The following EFCAB11 variants were observed in gnomAD, a reference collection of about 807,000 sequenced individuals.
EFCAB11 encodes EF-hand calcium binding domain 11.
EFCAB11 carries 14 observed loss-of-function variants against 23.0 expected under a neutral mutation model. The ratio of observed to expected loss-of-function variants is 0.61; its 90% CI spans 0.40 to 0.95. The LOEUF is 0.95. Ranked by LOEUF, EFCAB11 falls within the 40% of genes least tolerant of loss-of-function variation. The pLI, the probability that EFCAB11 is intolerant of heterozygous loss-of-function variation, is 0.00. For synonymous variants in EFCAB11, 65 were observed against 66.6 expected (o/e 0.98, Z 0.11); for missense variants, 198 against 195.8 (o/e 1.01, Z -0.07).
chr14:89,941,416 C>T (rs1890786875), intron 3 of EFCAB11, among the ~76,000 whole-genome samples: 1 of 151,986 alleles, frequency 6.6e-6, no homozygotes, highest in African/African-American at 2.4e-5. Context: ...TGACCCATGG[C>T]ACTATTAAAA....
In EFCAB11 at chr14:89,853,317, T is replaced by C. The variant is rs375506795; in HGVS notation, c.411-55993A>G. On this transcript the variant is annotated intron_variant, in intron 5 of 5. Transcript: ENST00000316738. ...CGGCAAAGGGTCTGGAAGCTTCCTT[T>C]AATCTGATGAATTGGTTAAGAAAGC... 3.9e-4 allele frequency among the ~76,000 whole-genome samples: 60 copies of C among 152,332 alleles called. No individual in the cohort carries two copies. In the South Asian group the frequency reaches 0.012, roughly 29 times the overall value.
Position 89,846,754 on chromosome 14 carries a change from C to T in EFCAB11, c.411-49430G>A, listed in dbSNP as rs560481071. 2.2e-4 allele frequency among the ~76,000 whole-genome samples: 34 copies of T among 152,328 alleles called. No homozygotes were observed. The South Asian group carries it at 5.0e-3, about 22-fold the overall frequency. On this transcript the variant is annotated intron_variant, in intron 5 of 5. Coordinates refer to ENST00000316738, the MANE Select transcript of EFCAB11 (RefSeq NM_145231.4). ...ATGGCCTCCTGATCTTACTTATTCTCTTCCTAGTCTGCAGCCTACGATGCC... is the reference window on the plus strand; with the variant it reads ...ATGGCCTCCTGATCTTACTTATTCTTTTCCTAGTCTGCAGCCTACGATGCC...
At chr14:89,944,982 C>A in intron 3 of EFCAB11, among the ~76,000 whole-genome samples, 7 of 95,422 alleles carry the variant, frequency 7.3e-5, no homozygotes, top group African/African-American at 1.7e-4. Context: ...AATAATAAAT[C>A]TAATAAAATA....
Position 89,919,988 on chromosome 14 carries a change from A to C in EFCAB11, c.410+11553T>G, listed in dbSNP as rs146120137. Among the ~76,000 whole-genome samples, 555 of 152,348 alleles carry C rather than the reference A, an allele frequency of 3.6e-3. 2 individuals are homozygous for C. Among genetic ancestry groups the C allele is most frequent in the African/African-American group, 0.013 (521 of 41,584 alleles). ...GTGAATCAAAGTATAATCCTCCCTT[A>C]TGAAGAGAAAGTCATGAATTTCGTT... On this transcript the variant is annotated intron_variant, in intron 5 of 5. Coordinates refer to ENST00000316738, the MANE Select transcript of EFCAB11 (RefSeq NM_145231.4).
chr14:89,856,985 G>A (rs1736710348), intron 5 of EFCAB11, among the ~76,000 whole-genome samples: 1 of 152,170 alleles, frequency 6.6e-6, no homozygotes, highest in Non-Finnish European at 1.5e-5. Flanking sequence ...TCTCCTAGCT[G>A]AGAACTACAA....
intron 5 of EFCAB11, among the ~76,000 whole-genome samples, chr14:89,818,912 T>C (rs2140099053): frequency 6.6e-6 from 1 of 152,354 alleles, no homozygotes; most frequent in African/African-American, 2.4e-5. Flanking sequence ...TCTCATTCAC[T>C]GCTGGTAGAA....
rs575295005 is a variant in EFCAB11, at chr14:89,811,356, G to A, written c.411-14032C>T. ...ATCAAAGTGCTTCAAGAAGGGGGCCGATGTGCTTGATATAAATTTTGGAAG... is the reference window on the plus strand; with the variant it reads ...ATCAAAGTGCTTCAAGAAGGGGGCCAATGTGCTTGATATAAATTTTGGAAG... On this transcript the variant is annotated intron_variant, in intron 5 of 5. Transcript: ENST00000316738. Among the ~76,000 whole-genome samples, 5 of 152,266 alleles carry A rather than the reference G, an allele frequency of 3.3e-5. No homozygotes were observed. In the East Asian group the frequency reaches 5.8e-4, roughly 18 times the overall value.
At chr14:89,802,937 A>G (rs948339591) in intron 5 of EFCAB11, among the ~76,000 whole-genome samples, 3 of 152,344 alleles carry the variant, frequency 2.0e-5, no homozygotes, top group Middle Eastern at 6.8e-3. Context: ...TGGGCTTCTC[A>G]ACATCAGCAC....
At chr14:89,835,585 C>CGTGTGTGTGTGT (rs67831579) in intron 5 of EFCAB11, among the ~76,000 whole-genome samples, 2,006 of 93,330 alleles carry the variant, frequency 0.021, 115 homozygotes, top group African/African-American at 0.043. Flanking sequence ...GGATGCTCAA[C>CGTGTGTGTGTGT]GTGTGTGTGT....
intron 5 of EFCAB11, among the ~76,000 whole-genome samples, chr14:89,833,958 G>A (rs1409769558): frequency 6.6e-6 from 1 of 152,122 alleles, no homozygotes; most frequent in Non-Finnish European, 1.5e-5. Context: ...CTAACATATA[G>A]CCATATTAGT....
chr14:89,953,884 C>T, intron 2 of EFCAB11, 22 bp downstream of exon 2: 2 of 1,603,052 alleles, frequency 1.2e-6, no homozygotes, highest in South Asian at 1.1e-5. Flanking sequence ...ACCCCATCCC[C>T]AAATATATAA....
chr14:89,839,806 G>C (rs958893052), intron 5 of EFCAB11, among the ~76,000 whole-genome samples: 2 of 151,306 alleles, frequency 1.3e-5, no homozygotes, highest in Non-Finnish European at 2.9e-5. Context: ...GAGAGAGGAA[G>C]GGGGGAGGTG....
chr14:89,897,300 A>T (rs1322469902), intron 5 of EFCAB11, among the ~76,000 whole-genome samples: 1 of 147,486 alleles, frequency 6.8e-6, no homozygotes, highest in East Asian at 2.0e-4. Context: ...CTCCGCCTCC[A>T]GGGTTCAAGC....
chr14:89,875,970 G>A (rs1193642385), intron 5 of EFCAB11, among the ~76,000 whole-genome samples: 1 of 152,128 alleles, frequency 6.6e-6, no homozygotes, highest in Non-Finnish European at 1.5e-5. Context: ...AATGGAAAAG[G>A]GCATCTCAAG....
At chr14:89,937,397 C>A (rs959777334) in intron 3 of EFCAB11, among the ~76,000 whole-genome samples, 2 of 152,032 alleles carry the variant, frequency 1.3e-5, no homozygotes, top group Non-Finnish European at 2.9e-5. Flanking sequence ...GTTTAAAGAC[C>A]ACTGGACCAA....
intron 5 of EFCAB11, chr14:89,924,796 C>T (rs1478529654): frequency 2.3e-5 from 26 of 1,115,556 alleles, no homozygotes; most frequent in Non-Finnish European, 3.1e-5. Context: ...TTTTAAAGGA[C>T]TCTTTCCTAG....
At chr14:89,876,524 G>C (rs1371068474) in intron 5 of EFCAB11, among the ~76,000 whole-genome samples, 1 of 152,198 alleles carries the variant, frequency 6.6e-6, no homozygotes, top group Non-Finnish European at 1.5e-5. Flanking sequence ...ATGTGCATGG[G>C]TTCAGATAGT....
At chr14:89,864,111 G>C (rs1313445894) in intron 5 of EFCAB11, among the ~76,000 whole-genome samples, 1 of 152,036 alleles carries the variant, frequency 6.6e-6, no homozygotes, top group African/African-American at 2.4e-5. Context: ...AAACAAACAG[G>C]ATCTACATGT....
chr14:89,857,202 A>C (rs1208900772), intron 5 of EFCAB11, among the ~76,000 whole-genome samples: 1 of 152,236 alleles, frequency 6.6e-6, no homozygotes, highest in Non-Finnish European at 1.5e-5. Flanking sequence ...GGCTTGTTAA[A>C]CTCAACCACA....
Sources: allele counts gnomAD v4.1 joint callset (sites outside exome capture counted in the v4.1 genomes callset), GRCh38; gene constraint gnomAD v4.1.1; transcripts MANE v1.5; gene names NCBI Gene and HGNC (gene_info 2026-07-23, HGNC 2026-07-21).